The following PLAC1 variants were observed in gnomAD, a reference collection of about 807,000 sequenced individuals.
PLAC1 encodes placenta associated 1, also known as placenta-specific protein 1.
For missense variants in PLAC1, 136 were observed against 163.2 expected (o/e 0.83, Z 0.91); for synonymous variants, 68 against 62.1 (o/e 1.09, Z -0.44).
intron 2 of PLAC1, among the ~76,000 whole-genome samples, chrX:134,592,502 C>T (rs780626292): frequency 1.8e-5 from 2 of 110,642 alleles, no homozygotes; most frequent in Non-Finnish European, 3.8e-5. Context: ...TGGGCCTTAT[C>T]CAATCAGTTG....
chrX:134,600,160 G>A (rs889053776), intron 2 of PLAC1, among the ~76,000 whole-genome samples: 1 of 109,968 alleles, frequency 9.1e-6, no homozygotes, highest in African/African-American at 3.3e-5. Flanking sequence ...TGAGTAGCTC[G>A]GACTACAGGC....
At chrX:134,660,256 C>T (rs2078411617), upstream of PLAC1, among the ~76,000 whole-genome samples, 1 of 110,231 alleles carries the variant, frequency 9.1e-6, no homozygotes, top group South Asian at 3.9e-4. Context: ...AGGTGCCTGC[C>T]ATCATGCCCA....
intron 1 of PLAC1, among the ~76,000 whole-genome samples, chrX:134,749,628 G>C (rs1050421223): frequency 8.9e-6 from 1 of 112,162 alleles, no homozygotes; most frequent in Non-Finnish European, 1.9e-5. Flanking sequence ...CTAATACCTG[G>C]ATTTTAAAGA....
At chrX:134,608,950 A>C (rs1465048024) in intron 1 of PLAC1, among the ~76,000 whole-genome samples, 1 of 106,958 alleles carries the variant, frequency 9.3e-6, no homozygotes, top group African/African-American at 3.5e-5. Flanking sequence ...CTGGGATTAC[A>C]GGAGTGAGCC....
chrX:134,665,136 G>A (rs6635007), intron 2 of PLAC1, among the ~76,000 whole-genome samples: 1 of 109,559 alleles, frequency 9.1e-6, no homozygotes, highest in Admixed American at 9.7e-5. Context: ...GTGTGTATGT[G>A]TGTTTGTGTG....
intron 1 of PLAC1, among the ~76,000 whole-genome samples, chrX:134,748,639 T>A (rs898771620): frequency 1.8e-5 from 2 of 112,293 alleles, no homozygotes; most frequent in African/African-American, 6.5e-5. Context: ...AGCAGTTTTA[T>A]TCTCATCTTT....
chrX:134,669,601 G>A (rs1403458992), intron 2 of PLAC1, among the ~76,000 whole-genome samples: 1 of 112,169 alleles, frequency 8.9e-6, no homozygotes, highest in African/African-American at 3.2e-5. Context: ...AGGTGATCCC[G>A]GAGGGGAGCC....
chrX:134,591,879 T>G (rs1374460091), intron 2 of PLAC1, among the ~76,000 whole-genome samples: 1 of 112,323 alleles, frequency 8.9e-6, no homozygotes, highest in Non-Finnish European at 1.9e-5. Flanking sequence ...AAGTATTAAT[T>G]TGCATTTCCC....
At chrX:134,593,007 G>A (rs1270877635) in intron 2 of PLAC1, among the ~76,000 whole-genome samples, 1 of 110,945 alleles carries the variant, frequency 9.0e-6, no homozygotes, top group African/African-American at 3.3e-5. Flanking sequence ...GATTACAGGC[G>A]TGAGCCACCG....
At chrX:134,762,033 CA>C (rs1228263842) in intron 1 of PLAC1, among the ~76,000 whole-genome samples, 1 of 111,234 alleles carries the variant, frequency 9.0e-6, no homozygotes, top group African/African-American at 3.3e-5. Context: ...ATCACAAACG[CA>C]ATCAACCCAA....
At chrX:134,638,122 T>A (rs1014687727) in intron 1 of PLAC1, among the ~76,000 whole-genome samples, 3 of 112,302 alleles carry the variant, frequency 2.7e-5, no homozygotes, top group Non-Finnish European at 5.6e-5. Flanking sequence ...ATGATGAACA[T>A]TTAACTTGCA....
chrX:134,672,705 GA>G (rs1377587410), intron 2 of PLAC1, among the ~76,000 whole-genome samples: 1 of 112,097 alleles, frequency 8.9e-6, no homozygotes, highest in Non-Finnish European at 1.9e-5. Flanking sequence ...GGCTCCATTT[GA>G]AAAAAAATCC....
At chrX:134,642,545 G>T (rs2078312392) in intron 1 of PLAC1, among the ~76,000 whole-genome samples, 1 of 111,215 alleles carries the variant, frequency 9.0e-6, no homozygotes, top group African/African-American at 3.3e-5. Context: ...AACATGGAAT[G>T]ATGAGGTCTG....
chrX:134,754,169 G>T (rs760711080), intron 1 of PLAC1, among the ~76,000 whole-genome samples: 1 of 111,968 alleles, frequency 8.9e-6, no homozygotes, highest in Non-Finnish European at 1.9e-5. Flanking sequence ...GTTATGGCAA[G>T]GTTGCTACCT....
chrX:134,565,982 A>T lies in PLAC1; in HGVS notation c.*62T>A, dbSNP rs2077871222. Reference sequence around the variant, plus strand: ...GGTCACAAGAGCACTTATTTGTCAGACATTTGTACACTATATACTAATTCT... The same window carrying T: ...GGTCACAAGAGCACTTATTTGTCAGTCATTTGTACACTATATACTAATTCT... On this transcript the variant is annotated 3_prime_UTR_variant, in exon 3 of 3. Transcript: ENST00000359237. 4 of 1,003,348 alleles carry T rather than the reference A, an allele frequency of 4.0e-6. No homozygotes were observed. Among genetic ancestry groups the T allele is most frequent in the Non-Finnish European group, 5.5e-6 (4 of 729,553 alleles). 82.7% of individuals were successfully genotyped at this position (1,003,348 alleles called of 1,213,427 possible).
At chrX:134,705,348 G>A (rs1478169028) in intron 2 of PLAC1, among the ~76,000 whole-genome samples, 1 of 103,197 alleles carries the variant, frequency 9.7e-6, no homozygotes, top group Non-Finnish European at 2.0e-5. Flanking sequence ...AACACAGGAG[G>A]CGGAGGTTGC....
At chrX:134,737,358 G>C (rs1246536173) in intron 1 of PLAC1, among the ~76,000 whole-genome samples, 1 of 112,427 alleles carries the variant, frequency 8.9e-6, no homozygotes, top group East Asian at 2.8e-4. Flanking sequence ...ATTAAGCAAA[G>C]GGACAGCTGC....
chrX:134,649,061 G>A (rs1357639431), intron 1 of PLAC1, among the ~76,000 whole-genome samples: 3 of 111,156 alleles, frequency 2.7e-5, no homozygotes, highest in Admixed American at 1.9e-4. Context: ...GAGGTCAGGA[G>A]TTTGAGACCA....
At chrX:134,582,114 T>C (rs1175084414) in intron 2 of PLAC1, among the ~76,000 whole-genome samples, 1 of 112,429 alleles carries the variant, frequency 8.9e-6, no homozygotes, top group Non-Finnish European at 1.9e-5. Context: ...GGGAGGGAAG[T>C]GAGGCATTCC....
Sources: gnomAD v4.1 joint callset for allele counts (sites outside exome capture counted in the v4.1 genomes callset) on GRCh38, gnomAD v4.1.1 for gene constraint, MANE v1.5 for transcripts, NCBI Gene and HGNC (gene_info 2026-07-23, HGNC 2026-07-21) for gene names.